ITIH2: variants seen among roughly 807,000 people sequenced by gnomAD.
ITIH2 encodes inter-alpha-trypsin inhibitor heavy chain 2, also known as inter-alpha-trypsin inhibitor heavy chain H2.
In ITIH2, 103 loss-of-function variants were observed where a neutral mutation model predicts 104.4. The ratio of observed to expected loss-of-function variants is 0.99; its 90% confidence interval spans 0.84 to 1.16. ITIH2 has a LOEUF of 1.16. Ranked by LOEUF, ITIH2 falls within the 50% of genes most tolerant of loss-of-function variation. ITIH2 has a pLI of 0.00. For missense variants in ITIH2, 1,108 were observed against 1,162.4 expected (o/e 0.95, Z 0.68); for synonymous variants, 436 against 435.4 (o/e 1.00, Z -0.02).
At position 7,716,631 on chromosome 10, in the gene ITIH2, G is replaced by T. The variant is rs552848642; in HGVS notation, c.468-995G>T. ...CATGCCTGTAGTCCCAGCTACTCGG[G>T]ATGCTGAGGTAGGAGAATAGCTTGA... On this transcript the variant is annotated intron_variant, in intron 5 of 20. Transcript: ENST00000358415. Among the ~76,000 whole-genome samples the T allele has an allele frequency of 3.0e-3, 447 of 151,022 alleles. 1 individual carries two copies. Among genetic ancestry groups the T allele is most frequent in the Non-Finnish European group, 4.4e-3 (301 of 67,858 alleles).
At chr10:7,726,167 G>A (rs73623108) in intron 9 of ITIH2, among the ~76,000 whole-genome samples, 29 of 152,316 alleles carry the variant, frequency 1.9e-4, no homozygotes, top group African/African-American at 7.0e-4. Flanking sequence ...AAGATTTGGA[G>A]ACAGTGTGTT....
At chr10:7,726,462 T>C (rs1190342948) in intron 9 of ITIH2, among the ~76,000 whole-genome samples, 1 of 152,250 alleles carries the variant, frequency 6.6e-6, no homozygotes, top group East Asian at 1.9e-4. Flanking sequence ...GGTACAAATA[T>C]TGATGGTTGG....
chr10:7,704,119 C>T (rs963469521), intron 1 of ITIH2, among the ~76,000 whole-genome samples: 13 of 152,262 alleles, frequency 8.5e-5, no homozygotes, highest in Admixed American at 7.2e-4. Context: ...TAGCCATCTC[C>T]AATGTAAGGA....
intron 4 of ITIH2, among the ~76,000 whole-genome samples, chr10:7,710,053 C>T (rs1240360661): frequency 7.2e-5 from 11 of 152,176 alleles, no homozygotes; most frequent in Admixed American, 2.0e-4. Flanking sequence ...GGAGTTTCAC[C>T]GTGTTAGCCA....
At chr10:7,742,589 A>G (rs1472652617) in intron 16 of ITIH2, among the ~76,000 whole-genome samples, 5 of 152,130 alleles carry the variant, frequency 3.3e-5, no homozygotes. Flanking sequence ...CAAAAAATAC[A>G]AAACATTAGC....
chr10:7,723,148 C>CGTGGCTTGGAGTGGAGTGAA (rs1834921606), intron 8 of ITIH2, among the ~76,000 whole-genome samples: 2 of 139,524 alleles, frequency 1.4e-5, no homozygotes, highest in African/African-American at 2.7e-5. Flanking sequence ...CGTGGAGTGG[C>CGTGGCTTGGAGTGGAGTGAA]GTGGCGTGGA....
chr10:7,707,957 CT>C (rs1834762856), intron 3 of ITIH2, among the ~76,000 whole-genome samples: 2 of 152,200 alleles, frequency 1.3e-5, no homozygotes, highest in Admixed American at 6.5e-5. Context: ...GCCCAGTTCC[CT>C]GAGATGTTCA....
At chr10:7,736,559 C>A (rs1835057320) in intron 15 of ITIH2, among the ~76,000 whole-genome samples, 1 of 151,880 alleles carries the variant, frequency 6.6e-6, no homozygotes, top group Non-Finnish European at 1.5e-5. Context: ...AAATCATAAC[C>A]ATAAGATTCT....
At chr10:7,715,933 G>T (rs1350857724) in intron 5 of ITIH2, among the ~76,000 whole-genome samples, 1 of 151,338 alleles carries the variant, frequency 6.6e-6, no homozygotes, top group African/African-American at 2.4e-5. Flanking sequence ...GAGAGACAGG[G>T]CTCACTACAA....
In ITIH2 at chr10:7,703,444, C is replaced by T; in HGVS notation, c.10C>T (p.Leu4Phe). 1.9e-6 allele frequency: 3 copies of T among 1,613,572 alleles called. No homozygotes were observed. The highest frequency in any genetic ancestry group is 2.2e-5 in the East Asian group (1 of 44,874). Residue 4 changes from leucine (L) to phenylalanine (F), a missense_variant, in exon 1 of 21, where the codon CTC becomes TTC. Leu to Phe is a conservative substitution (Grantham distance 22). Transcript: ENST00000358415. MKR[L>F]TCFFICFFLS... is the part of the protein sequence containing the mutation. ...AAAACTGTCCAGCAAAATGAAAAGACTCACGTGCTTTTTCATCTGCTTCTT... is the reference window on the plus strand; with the variant it reads ...AAAACTGTCCAGCAAAATGAAAAGATTCACGTGCTTTTTCATCTGCTTCTT...
intron 2 of ITIH2, among the ~76,000 whole-genome samples, chr10:7,705,515 G>A (rs543454296): frequency 3.4e-4 from 52 of 152,110 alleles, no homozygotes; most frequent in African/African-American, 1.2e-3. Context: ...AGATCAGCCT[G>A]GGTAACATAG....
At chr10:7,714,058 G>A (rs1156898183) in intron 5 of ITIH2, among the ~76,000 whole-genome samples, 1 of 151,096 alleles carries the variant, frequency 6.6e-6, no homozygotes, top group Non-Finnish European at 1.5e-5. Context: ...TATAATCTAA[G>A]TAAGACCTGG....
rs1192414470 is a variant in ITIH2 at position 7,738,653 on chromosome 10, G to C, written c.1990G>C (p.Asp664His). Residue 664 changes from aspartate (D) to histidine (H), a missense_variant, in exon 16 of 21, where the codon GAT becomes CAT. Asp to His is a moderately conservative substitution (Grantham distance 81, BLOSUM62 -1). Transcript: ENST00000358415. ...ALYYGSKVVP[D>H]STPSWANPSP... ...GTATTACGGCAGCAAAGTGGTTCCAGATTCCACCCCGTCTTGGGCCAATCC... is the reference window on the plus strand; with the variant it reads ...GTATTACGGCAGCAAAGTGGTTCCACATTCCACCCCGTCTTGGGCCAATCC... 3.7e-6 allele frequency: 6 copies of C among 1,613,988 alleles called. No individual in the cohort carries two copies. The highest frequency in any genetic ancestry group is 5.1e-6 in the Non-Finnish European group (6 of 1,179,964).
At position 7,749,491 on chromosome 10, in the gene ITIH2, C is replaced by T; in HGVS notation, c.*157C>T. On this transcript the variant is annotated 3_prime_UTR_variant, in exon 21 of 21. Transcript: ENST00000358415. ...GGGTGGTTTATAAAGCCTGTAAACA[C>T]ACCTAAGAAAATAAACATTTTACAA... The T allele has an allele frequency of 1.8e-6, 1 of 565,116 alleles. No homozygotes were observed. The highest frequency in any genetic ancestry group is 3.0e-6 in the Non-Finnish European group (1 of 328,104). The allele number at this position is 565,116 out of a possible 1,614,324, so 35.0% of individuals were successfully genotyped here.
intron 17 of ITIH2, among the ~76,000 whole-genome samples, chr10:7,743,707 G>T (rs1835148199): frequency 6.6e-6 from 1 of 152,084 alleles, no homozygotes; most frequent in Admixed American, 6.6e-5. Flanking sequence ...CTTGAACCCG[G>T]GAGGTGGAGG....
chr10:7,709,200 C>G lies in ITIH2; in HGVS notation c.362+9C>G. ...ATTTCCAACTTCTCCATGTGAGTAA[C>G]TTCTGTGTAGAGCCAGAAATTGTAG... is the stretch of plus-strand genomic sequence containing the variant. On this transcript the variant is annotated intron_variant, in intron 4 of 20. Transcript: ENST00000358415. The G allele has an allele frequency of 1.2e-6, 2 of 1,612,996 alleles. No individual in the cohort carries two copies. Among genetic ancestry groups the G allele is most frequent in the Non-Finnish European group, 1.7e-6 (2 of 1,178,982 alleles).
intron 12 of ITIH2, among the ~76,000 whole-genome samples, chr10:7,731,182 T>G (rs111521078): frequency 0.013 from 1,913 of 152,148 alleles, 43 homozygotes; most frequent in African/African-American, 0.044. Context: ...CCTCCCAAAG[T>G]GCTGGGATTA....
At chr10:7,737,308 C>A (rs1835064611) in intron 15 of ITIH2, among the ~76,000 whole-genome samples, 3 of 150,354 alleles carry the variant, frequency 2.0e-5, no homozygotes, top group African/African-American at 7.4e-5. Flanking sequence ...GGCTAGGAGA[C>A]CTCAGGTTTA....
chr10:7,711,279 T>A (rs747398105), intron 4 of ITIH2, among the ~76,000 whole-genome samples: 2 of 152,240 alleles, frequency 1.3e-5, no homozygotes, highest in Non-Finnish European at 2.9e-5. Context: ...TTATTCCTTT[T>A]TATGGCTGCA....
Sources: gnomAD v4.1 joint callset for allele counts (sites outside exome capture counted in the v4.1 genomes callset) on GRCh38, gnomAD v4.1.1 for gene constraint, MANE v1.5 for transcripts, NCBI Gene and HGNC (gene_info 2026-07-23, HGNC 2026-07-21) for gene names.